MUC4: variants seen among roughly 807,000 people sequenced by gnomAD.
MUC4 encodes mucin-4.
MUC4 carries 202 observed loss-of-function variants against 257.9 expected under a neutral mutation model. That is an observed-to-expected ratio of 0.78 (90% CI 0.70 to 0.88). The LOEUF (loss-of-function observed/expected upper bound fraction) is 0.88, where lower values mean the gene tolerates loss of function less well. Among genes scored for constraint, MUC4 ranks in the 40% least tolerant of loss-of-function variants. The probability of loss-of-function intolerance (pLI) is 0.00; values close to 1 mark genes in which losing one functional copy is unlikely to be tolerated. For synonymous variants in MUC4, 2,351 were observed against 2,757.1 expected, an observed-to-expected ratio of 0.85 and a Z score of 4.62; for missense variants, 5,976 against 6,513.7, an observed-to-expected ratio of 0.92 and a Z score of 2.84.
chr3:195,748,375 C>A (rs1385125485), intron 24 of MUC4, among the ~76,000 whole-genome samples: 3 of 152,256 alleles, frequency 2.0e-5, no homozygotes, highest in Non-Finnish European at 4.4e-5. Flanking sequence ...ACCAGCCTGA[C>A]CAACATGGCG....
At chr3:195,762,422 G>C (rs555922650) in intron 13 of MUC4, among the ~76,000 whole-genome samples, 168 bp from the exon 14 acceptor site, 3 of 152,202 alleles carry the variant, frequency 2.0e-5, no homozygotes, top group Admixed American at 6.5e-5. Context: ...GCCCCGCTCG[G>C]GGGTAGAGGC....
At chr3:195,805,308 T>C (rs1735838061) in intron 1 of MUC4, among the ~76,000 whole-genome samples, 1 of 152,214 alleles carries the variant, frequency 6.6e-6, no homozygotes, top group Non-Finnish European at 1.5e-5. Flanking sequence ...CCAGCCACTC[T>C]GGTGATCGCC....
At position 195,783,542 on chromosome 3, in the gene MUC4, A is replaced by T. The variant is rs200902234; in HGVS notation, c.8038T>A (p.Ser2680Thr). Residue 2680 changes from serine (S) to threonine (T), a missense_variant, in exon 2 of 25, where the codon TCA becomes ACA. Ser to Thr is a moderately conservative substitution (Grantham distance 58). Coordinates refer to ENST00000463781, the MANE Select transcript of MUC4 (RefSeq NM_018406.7). ...GAGGTGGCATGACCGGTGGATGCTG[A>T]GGAAGGGCTAGTGACAGGAAGAGGC... ...TTPLPVTSPS[S>T]ASTGHATSLP... is the part of the protein sequence containing the mutation. The T allele has an allele frequency of 4.2e-5, 16 of 377,190 alleles. No homozygotes were observed. Among genetic ancestry groups the T allele is most frequent in the African/African-American group, 1.0e-4 (1 of 10,022 alleles). The allele number at this position is 377,190 out of a possible 1,614,324, so 23.4% of individuals were successfully genotyped here. A position where few individuals can be genotyped will look rare whatever the true frequency, so the allele number is the denominator to read the frequency against.
At chr3:195,750,781 CCAAA>C (rs1224658316) in intron 23 of MUC4, 104 bp downstream of exon 23, 12 of 1,110,892 alleles carry the variant, frequency 1.1e-5, no homozygotes, top group South Asian at 4.5e-5. Context: ...TCGCTCAAAA[CCAAA>C]CAAACAGAAA....
rs1304487708 is a variant in MUC4 at position 195,810,542 on chromosome 3, G to C, written c.82+1194C>G. Among the ~76,000 whole-genome samples the C allele has an allele frequency of 6.6e-6, 1 of 151,884 alleles. No individual in the cohort carries two copies. The highest frequency in any genetic ancestry group is 1.5e-5 in the Non-Finnish European group (1 of 67,954). ...CCCTCCCCTCCCAGCTCTGTACACG[G>C]AGGAGCCCAAGGCCAATGCCGGGGC... On this transcript the variant is annotated intron_variant, in intron 1 of 24. Transcript: ENST00000463781. The surrounding 1 kb of genome is among the most constrained non-coding windows in gnomAD (Gnocchi z 4.2).
At position 195,752,360 on chromosome 3, in the gene MUC4, C is replaced by T. The variant is rs371957749; in HGVS notation, c.15582+13G>A. 1.7e-4 allele frequency: 269 copies of T among 1,610,126 alleles called. No individual in the cohort carries two copies. Among genetic ancestry groups the T allele is most frequent in the Non-Finnish European group, 2.2e-4 (264 of 1,176,426 alleles). On this transcript the variant is annotated intron_variant, in intron 21 of 24. Coordinates refer to ENST00000463781, the MANE Select transcript of MUC4 (RefSeq NM_018406.7). ...CGCCCCCTCCCACCCAGAGCGCGGCCTGCAGCACTGACCGAGGCGTTGACT... is the reference window on the plus strand; with the variant it reads ...CGCCCCCTCCCACCCAGAGCGCGGCTTGCAGCACTGACCGAGGCGTTGACT...
chr3:195,805,870 C>T (rs1466401338), intron 1 of MUC4, among the ~76,000 whole-genome samples: 1 of 151,644 alleles, frequency 6.6e-6, no homozygotes, highest in Non-Finnish European at 1.5e-5. Context: ...AATCCCAGCA[C>T]TTTGGGAGGC....
chr3:195,801,950 G>A (rs921010676), intron 1 of MUC4, among the ~76,000 whole-genome samples: 3 of 151,506 alleles, frequency 2.0e-5, no homozygotes, highest in Admixed American at 6.6e-5. Context: ...TCTCTCCCCC[G>A]CTCCACGCCC....
At chr3:195,772,803 C>T (rs554139434) in intron 4 of MUC4, among the ~76,000 whole-genome samples, 91 of 144,634 alleles carry the variant, frequency 6.3e-4, no homozygotes, top group African/African-American at 2.2e-3. Context: ...CCCTCTCCAT[C>T]GCTCAGGGGT....
chr3:195,763,956 C>A, intron 11 of MUC4, 89 bp downstream of exon 11: 1 of 1,475,214 alleles, frequency 6.8e-7, no homozygotes, highest in Non-Finnish European at 9.0e-7. Flanking sequence ...ACAGCTCTGC[C>A]CCTACTCCTT....
intron 1 of MUC4, among the ~76,000 whole-genome samples, chr3:195,807,119 C>T (rs1736079457): frequency 6.6e-6 from 1 of 152,182 alleles, no homozygotes; most frequent in Non-Finnish European, 1.5e-5. Flanking sequence ...ACACAAATGC[C>T]CAGTTCCTGA....
intron 7 of MUC4, among the ~76,000 whole-genome samples, chr3:195,767,732 ACCACCATCACCAT>A: frequency 6.4e-5 from 1 of 15,740 alleles, no homozygotes; most frequent in Non-Finnish European, 1.1e-4. Context: ...CACCATCACC[ACCACCATCACCAT>A]CGCCACCACC....
Position 195,790,553 on chromosome 3 carries a change from T to C in MUC4, c.1027A>G (p.Thr343Ala), listed in dbSNP as rs1560401914. 1.2e-6 allele frequency: 2 copies of C among 1,613,772 alleles called. No individual in the cohort carries two copies. The highest frequency in any genetic ancestry group is 1.7e-6 in the Non-Finnish European group (2 of 1,179,810). The part of the protein sequence containing the change: ...TRVSQINTLN[T>A]LTPVTTSTVL... ...GTTGATGTTGTAACCGGTGTGAGGG[T>C]GTTGAGGGTGTTGATTTGAGATACT... is the stretch of plus-strand genomic sequence containing the variant. Residue 343 changes from threonine to alanine, a missense_variant, in exon 2 of 25, where the codon ACC becomes GCC. This residue lies in a region of MUC4 where 1,583 missense variants were observed against 1,257.4 expected (regional missense o/e 1.26). Coordinates refer to ENST00000463781, the MANE Select transcript of MUC4 (RefSeq NM_018406.7).
intron 1 of MUC4, among the ~76,000 whole-genome samples, chr3:195,797,212 T>A (rs966871597): frequency 6.6e-6 from 1 of 151,994 alleles, no homozygotes; most frequent in African/African-American, 2.4e-5. Flanking sequence ...GAGATTGCAG[T>A]GAGCCGAGAT....
In MUC4 at chr3:195,761,446, C is replaced by T. The variant is rs368881301; in HGVS notation, c.14614+38G>A. On this transcript the variant is annotated intron_variant, in intron 15 of 24. Coordinates refer to ENST00000463781, the MANE Select transcript of MUC4 (RefSeq NM_018406.7). ...ACGACATAAACATACCGGCTCCCCT[C>T]ACCTGCCCCTCTGCCCCAGGACCCT... 16 of 1,533,418 alleles carry T rather than the reference C, an allele frequency of 1.0e-5. No homozygotes were observed. The African/African-American group carries it at 2.1e-4, about 20-fold the overall frequency. 95.0% of individuals were successfully genotyped at this position (1,533,418 alleles called of 1,614,324 possible). A position where few individuals can be genotyped will look rare whatever the true frequency, so the allele number is the denominator to read the frequency against.
In MUC4 at chr3:195,785,313, T is replaced by A; in HGVS notation, c.6267A>T (p.Ile2089=). The A allele has an allele frequency of 6.0e-6, 8 of 1,327,582 alleles. No individual in the cohort carries two copies. The highest frequency in any genetic ancestry group is 1.6e-5 in the African/African-American group (1 of 64,422). The allele number at this position is 1,327,582 out of a possible 1,614,324, so 82.2% of individuals were successfully genotyped here. ...GAAGAGAGGTGGCGTGACCTGTGGA[T>A]ATTGAGGAAGCGTCGGTGACAAGAA... ...TPLLVTDASS[I]STGHATSLLV... Residue 2089 remains isoleucine (I), a synonymous_variant, in exon 2 of 25, where the codon ATA becomes ATT. Coordinates refer to ENST00000463781, the MANE Select transcript of MUC4 (RefSeq NM_018406.7).
intron 18 of MUC4, among the ~76,000 whole-genome samples, chr3:195,754,826 CCATGTG>C: frequency 1.3e-5 from 1 of 74,512 alleles, no homozygotes; most frequent in Admixed American, 1.3e-4. Context: ...ATGTGTGTAT[CCATGTG>C]TGTATGTATC....
chr3:195,784,065 T>C lies in MUC4; in HGVS notation c.7515A>G (p.Ala2505=). The part of the protein sequence containing the change: ...TRLPVTSPSS[A]STGHTTPLPV... Reference sequence around the variant, plus strand: ...GTAGAGGGGTGGTGTGACCTGTAGATGCTGAGGAAGGGCTGGTGACAGGAA... The same window carrying C: ...GTAGAGGGGTGGTGTGACCTGTAGACGCTGAGGAAGGGCTGGTGACAGGAA... The change falls in exon 2 of 25, where the codon GCA becomes GCG. Residue 2505 remains alanine (A), a synonymous_variant. Coordinates refer to ENST00000463781, the MANE Select transcript of MUC4 (RefSeq NM_018406.7). 4.6e-6 allele frequency: 7 copies of C among 1,529,782 alleles called. No homozygotes were observed. The highest frequency in any genetic ancestry group is 5.3e-6 in the Non-Finnish European group (6 of 1,137,800). 94.8% of individuals were successfully genotyped at this position (1,529,782 alleles called of 1,614,324 possible). A position where few individuals can be genotyped will look rare whatever the true frequency, so the allele number is the denominator to read the frequency against.
chr3:195,762,944 A>C lies in MUC4; in HGVS notation c.14255T>G (p.Val4752Gly), dbSNP rs1160289998. ...YRSSSLGPVT[V>G]QWLLEPHDAI... ...GTCGTGAGGCTCAAGGAGCCATTGG[A>C]CCTGGAAGGAGATGGGAGGGGGCCT... The change falls in exon 13 of 25, where the codon GTC becomes GGC. Residue 4752 changes from valine (V) to glycine (G), a missense_variant and splice_region_variant. Val to Gly is a moderately radical substitution (Grantham distance 109). Coordinates refer to ENST00000463781, the MANE Select transcript of MUC4 (RefSeq NM_018406.7). 6.4e-7 allele frequency: 1 copy of C among 1,555,946 alleles called. No individual in the cohort carries two copies. Among genetic ancestry groups the C allele is most frequent in the Non-Finnish European group, 8.7e-7 (1 of 1,151,426 alleles).
Sources: allele counts gnomAD v4.1 joint callset (sites outside exome capture counted in the v4.1 genomes callset), GRCh38; gene constraint gnomAD v4.1.1; regional missense constraint gnomAD v4.1.1; non-coding constraint Gnocchi (gnomAD v3.1); transcripts MANE v1.5; gene names NCBI Gene and HGNC (gene_info 2026-07-23, HGNC 2026-07-21).